GRIK1: variants seen among roughly 807,000 people sequenced by gnomAD.
GRIK1 encodes glutamate receptor ionotropic, kainate 1.
Under a neutral mutation model 105.7 loss-of-function variants are expected in GRIK1, and 69 were observed. The observed-to-expected ratio is 0.65, with a 90% CI of 0.54 to 0.80. GRIK1 has a LOEUF of 0.80. Among genes scored for constraint, GRIK1 ranks in the 30% least tolerant of loss-of-function variants. The probability of loss-of-function intolerance (pLI) is 0.00; values close to 1 mark genes in which losing one functional copy is unlikely to be tolerated. For missense variants in GRIK1, 1,109 were observed against 1,167.3 expected, an observed-to-expected ratio of 0.95 and a Z score of 0.73; for synonymous variants, 438 against 431.3, an observed-to-expected ratio of 1.02 and a Z score of -0.19.
intron 1 of GRIK1, among the ~76,000 whole-genome samples, chr21:29,725,668 G>A (rs1309793285): frequency 6.6e-6 from 1 of 152,136 alleles, no homozygotes; most frequent in East Asian, 1.9e-4. Flanking sequence ...AAACCATCCT[G>A]ATACAAAGAA....
At chr21:29,915,465 T>C (rs1409762716) in intron 1 of GRIK1, among the ~76,000 whole-genome samples, 1 of 152,042 alleles carries the variant, frequency 6.6e-6, no homozygotes, top group Non-Finnish European at 1.5e-5. Context: ...GGCACAACGC[T>C]TTAGTATATT....
chr21:29,771,438 T>C (rs925393222), intron 1 of GRIK1, among the ~76,000 whole-genome samples: 18 of 152,240 alleles, frequency 1.2e-4, no homozygotes, highest in African/African-American at 4.3e-4. Flanking sequence ...TTGATGATAA[T>C]TGATTTTTGT....
chr21:29,555,027 C>T (rs2090214020), intron 16 of GRIK1, 25 bp downstream of exon 16: 1 of 1,580,606 alleles, frequency 6.3e-7, no homozygotes. Flanking sequence ...TATAAACTAA[C>T]CAGTCCTAGA....
At position 29,693,976 on chromosome 21, in the gene GRIK1, C is replaced by T; in HGVS notation, c.206G>A (p.Arg69Gln). The change falls in exon 2 of 18, where the codon CGA becomes CAA. Residue 69 changes from arginine (R) to glutamine (Q), a missense_variant. Physicochemically the swap from Arg to Gln is conservative, Grantham distance 43. Coordinates refer to ENST00000327783, the MANE Select transcript of GRIK1 (RefSeq NM_001330994.2). ...KFAVTSINRNRTLMPNTTLTY... is the reference protein window; with the variant it reads ...KFAVTSINRNQTLMPNTTLTY... ...TAATGTGGTGTTAGGCATCAGGGTT[C>T]GGTTTCTGTTAATGCTGGTGACTGC... 7.4e-6 allele frequency: 12 copies of T among 1,611,286 alleles called. No homozygotes were observed. Among genetic ancestry groups the T allele is most frequent in the South Asian group, 3.3e-5 (3 of 91,032 alleles).
At chr21:29,668,436 C>T (rs1307197846) in intron 4 of GRIK1, among the ~76,000 whole-genome samples, 5 of 152,064 alleles carry the variant, frequency 3.3e-5, no homozygotes, top group Non-Finnish European at 7.4e-5. Context: ...AGTGCAAAGG[C>T]TATGATGTGG....
In GRIK1 at chr21:29,812,596, G is replaced by T. The variant is rs565049503; in HGVS notation, c.119-118533C>A. Among the ~76,000 whole-genome samples the T allele has an allele frequency of 2.6e-5, 4 of 152,214 alleles. No individual in the cohort carries two copies. The South Asian group carries it at 8.3e-4, about 32-fold the overall frequency. On this transcript the variant is annotated intron_variant, in intron 1 of 17. Coordinates refer to ENST00000327783, the MANE Select transcript of GRIK1 (RefSeq NM_001330994.2). ...GCCCAGATCAGGGTTCCAAACTTGT[G>T]TTCTATTCCTTTGTGAACACTTTAA...
At chr21:29,908,271 T>C (rs1199714352) in intron 1 of GRIK1, among the ~76,000 whole-genome samples, 2 of 152,182 alleles carry the variant, frequency 1.3e-5, no homozygotes, top group African/African-American at 2.4e-5. Context: ...ATTTCCCTAA[T>C]TCTCTAATAA....
At chr21:29,927,097 T>G (rs2071394422) in intron 1 of GRIK1, among the ~76,000 whole-genome samples, 1 of 152,168 alleles carries the variant, frequency 6.6e-6, no homozygotes, top group African/African-American at 2.4e-5. Flanking sequence ...GTGGGCCTGA[T>G]GCCTCCCCGC....
chr21:29,724,249 T>G (rs577028860), intron 1 of GRIK1, among the ~76,000 whole-genome samples: 1 of 152,332 alleles, frequency 6.6e-6, no homozygotes, highest in African/African-American at 2.4e-5. Flanking sequence ...TTCATTTTTA[T>G]GATGTGGAAG....
At chr21:29,688,918 T>C (rs1415107580) in intron 3 of GRIK1, among the ~76,000 whole-genome samples, 2 of 152,244 alleles carry the variant, frequency 1.3e-5, no homozygotes, top group East Asian at 3.9e-4. Flanking sequence ...TCATAACTCA[T>C]GTGAGAGTAC....
chr21:29,846,274 G>C (rs1026109466), intron 1 of GRIK1, among the ~76,000 whole-genome samples: 1 of 151,614 alleles, frequency 6.6e-6, no homozygotes, highest in Non-Finnish European at 1.5e-5. Context: ...TGTAATCCCA[G>C]CTACTCGGGA....
intron 14 of GRIK1, among the ~76,000 whole-genome samples, chr21:29,573,503 G>C (rs1021548350): frequency 6.6e-6 from 1 of 152,148 alleles, no homozygotes; most frequent in African/African-American, 2.4e-5. Flanking sequence ...ACTTTGGGAG[G>C]CCGAGACAGG....
intron 1 of GRIK1, among the ~76,000 whole-genome samples, chr21:29,738,522 C>T (rs1403727495): frequency 6.6e-6 from 1 of 152,168 alleles, no homozygotes; most frequent in African/African-American, 2.4e-5. Flanking sequence ...AGGGTAAAAG[C>T]AGAAATGATC....
intron 16 of GRIK1, among the ~76,000 whole-genome samples, chr21:29,541,250 G>T (rs2089964468): frequency 6.6e-6 from 1 of 152,214 alleles, no homozygotes; most frequent in Admixed American, 6.5e-5. Context: ...ACAGGCGTAA[G>T]CCACCGTGTC....
intron 7 of GRIK1, among the ~76,000 whole-genome samples, chr21:29,628,928 T>G (rs953015774): frequency 1.3e-5 from 2 of 152,186 alleles, no homozygotes; most frequent in African/African-American, 4.8e-5. Context: ...TGAATTCATG[T>G]CTTGCTCTAG....
chr21:29,806,276 T>C (rs905479076), intron 1 of GRIK1, among the ~76,000 whole-genome samples: 2 of 152,148 alleles, frequency 1.3e-5, no homozygotes, highest in Non-Finnish European at 2.9e-5. Flanking sequence ...TTGGTGTAAT[T>C]GGGTGATCCA....
chr21:29,682,654 T>A (rs983447771), intron 3 of GRIK1, among the ~76,000 whole-genome samples: 1 of 152,206 alleles, frequency 6.6e-6, no homozygotes, highest in Non-Finnish European at 1.5e-5. Context: ...AAGATTTAAG[T>A]GTAAGACCTC....
At chr21:29,925,139 A>G (rs2071319207) in intron 1 of GRIK1, among the ~76,000 whole-genome samples, 1 of 152,234 alleles carries the variant, frequency 6.6e-6, no homozygotes, top group South Asian at 2.1e-4. Context: ...CAAATGTATG[A>G]AACACACCAC....
intron 3 of GRIK1, among the ~76,000 whole-genome samples, chr21:29,687,149 T>C (rs1304913557): frequency 1.3e-5 from 2 of 152,214 alleles, no homozygotes; most frequent in Non-Finnish European, 2.9e-5. Flanking sequence ...CTTAGAGACG[T>C]GCACACTGCT....
Sources: gnomAD v4.1 joint callset for allele counts (sites outside exome capture counted in the v4.1 genomes callset) on GRCh38, gnomAD v4.1.1 for gene constraint, MANE v1.5 for transcripts, NCBI Gene and HGNC (gene_info 2026-07-23, HGNC 2026-07-21) for gene names.